DDAH1: variants seen among roughly 807,000 people sequenced by gnomAD.
DDAH1 encodes the protein dimethylarginine dimethylaminohydrolase 1, also known as N(G),N(G)-dimethylarginine dimethylaminohydrolase 1.
Under a neutral mutation model 28.8 loss-of-function variants are expected in DDAH1, and 19 were observed. The ratio of observed to expected loss-of-function variants is 0.66; its 90% CI spans 0.46 to 0.97. The LOEUF (loss-of-function observed/expected upper bound fraction) is 0.97, where lower values mean the gene tolerates loss of function less well. Ranked by LOEUF, DDAH1 falls within the 50% of genes least tolerant of loss-of-function variation. The pLI, the probability that DDAH1 is intolerant of heterozygous loss-of-function variation, is 0.00. For missense variants in DDAH1, 326 were observed against 375.9 expected (o/e 0.87, Z 1.10); for synonymous variants, 153 against 154.4 (o/e 0.99, Z 0.07).
chr1:85,540,696 G>T (rs370158161), intron 1 of DDAH1, among the ~76,000 whole-genome samples: 1 of 152,048 alleles, frequency 6.6e-6, no homozygotes, highest in Non-Finnish European at 1.5e-5. Flanking sequence ...AGTGACTCAC[G>T]CCTGTAATCC....
chr1:85,386,905 CAAGGCTTATT>C (rs1651294746), intron 1 of DDAH1, among the ~76,000 whole-genome samples: 1 of 152,168 alleles, frequency 6.6e-6, no homozygotes, highest in Non-Finnish European at 1.5e-5. Context: ...TGGAAATTAC[CAAGGCTTATT>C]AAGGCTTATA....
At chr1:85,352,017 A>T (rs1451724785) in intron 2 of DDAH1, among the ~76,000 whole-genome samples, 1 of 152,228 alleles carries the variant, frequency 6.6e-6, no homozygotes, top group Non-Finnish European at 1.5e-5. Context: ...AGGCAATAAT[A>T]AACACATTGA....
intron 4 of DDAH1, among the ~76,000 whole-genome samples, chr1:85,343,500 T>C (rs3768223): frequency 0.15 from 23,103 of 152,216 alleles, 2,146 homozygotes; most frequent in Middle Eastern, 0.21. Context: ...AAAAAAATCA[T>C]TGTTTTGTGG....
At chr1:85,359,869 T>C (rs1271687142) in intron 1 of DDAH1, among the ~76,000 whole-genome samples, 2 of 152,346 alleles carry the variant, frequency 1.3e-5, no homozygotes, top group Non-Finnish European at 2.9e-5. Context: ...CTTACTTTAA[T>C]ATAAGAAATG....
chr1:85,322,643 C>T (rs1002755609), intron 5 of DDAH1, among the ~76,000 whole-genome samples: 7 of 152,154 alleles, frequency 4.6e-5, no homozygotes, highest in South Asian at 2.1e-4. Context: ...CTCTGAGCCT[C>T]GGTTTACTTC....
Position 85,379,687 on chromosome 1 carries a change from A to G in DDAH1, c.304-20840T>C, listed in dbSNP as rs895767994. 6.1e-6 allele frequency: 6 copies of G among 985,214 alleles called. No homozygotes were observed. The African/African-American group carries it at 1.0e-4, about 17-fold the overall frequency. 61.0% of individuals were successfully genotyped at this position (985,214 alleles called of 1,614,324 possible). ...TTTCCAAGGCATTTGTTGACCTTAT[A>G]TTCACTGTACTCTGAACTGAACTTA... On this transcript the variant is annotated intron_variant, in intron 1 of 5. Coordinates refer to ENST00000284031, the MANE Select transcript of DDAH1 (RefSeq NM_012137.4).
chr1:85,410,076 T>C (rs1570502937), intron 1 of DDAH1, among the ~76,000 whole-genome samples: 1 of 147,918 alleles, frequency 6.8e-6, no homozygotes, highest in South Asian at 2.2e-4. Flanking sequence ...AGCCCAGGAG[T>C]TCAAGACCAG....
intron 1 of DDAH1, among the ~76,000 whole-genome samples, chr1:85,438,110 T>C (rs186706948): frequency 1.6e-3 from 238 of 152,302 alleles, no homozygotes; most frequent in African/African-American, 5.4e-3. Flanking sequence ...TTCTCACTTA[T>C]ATGTGGGAGC....
chr1:85,420,790 G>A (rs1440599349), intron 1 of DDAH1, among the ~76,000 whole-genome samples: 1 of 152,110 alleles, frequency 6.6e-6, no homozygotes, highest in Non-Finnish European at 1.5e-5. Flanking sequence ...ACATTTTCAA[G>A]TGTCTTTATA....
chr1:85,560,184 G>A (rs1362560082), intron 1 of DDAH1, among the ~76,000 whole-genome samples: 1 of 152,116 alleles, frequency 6.6e-6, no homozygotes, highest in Non-Finnish European at 1.5e-5. Context: ...AGAGGCAGGG[G>A]AAGGGAAAGC....
chr1:85,328,184 A>G (rs984723775), intron 4 of DDAH1, among the ~76,000 whole-genome samples: 1 of 152,238 alleles, frequency 6.6e-6, no homozygotes, highest in African/African-American at 2.4e-5. Context: ...TCCTAACTCA[A>G]ATGACTCTGG....
chr1:85,477,613 T>A (rs1193548840), intron 2 of DDAH1, among the ~76,000 whole-genome samples: 1 of 152,084 alleles, frequency 6.6e-6, no homozygotes, highest in Admixed American at 6.5e-5. Context: ...CACTACTGTC[T>A]CTGCTATACT....
intron 1 of DDAH1, among the ~76,000 whole-genome samples, chr1:85,417,914 T>C (rs1433803166): frequency 6.6e-6 from 1 of 152,236 alleles, no homozygotes; most frequent in Admixed American, 6.5e-5. Flanking sequence ...GTTTTAGAAA[T>C]ATAATTATTA....
intron 1 of DDAH1, among the ~76,000 whole-genome samples, chr1:85,396,727 A>G (rs1000244470): frequency 6.6e-6 from 1 of 152,202 alleles, no homozygotes; most frequent in Non-Finnish European, 1.5e-5. Context: ...ACATTTGTAT[A>G]GATACGATAT....
chr1:85,390,011 C>G (rs1000561003), intron 1 of DDAH1, among the ~76,000 whole-genome samples: 1 of 152,160 alleles, frequency 6.6e-6, no homozygotes, highest in African/African-American at 2.4e-5. Flanking sequence ...TACTACTTAT[C>G]ATAGGAAAAT....
intron 4 of DDAH1, among the ~76,000 whole-genome samples, chr1:85,332,634 A>T (rs986398888): frequency 1.3e-5 from 2 of 152,108 alleles, no homozygotes; most frequent in African/African-American, 4.8e-5. Flanking sequence ...GCCCAAGCAC[A>T]TTGCCTGGGG....
At chr1:85,381,670 A>G (rs760376227) in intron 1 of DDAH1, among the ~76,000 whole-genome samples, 5 of 151,740 alleles carry the variant, frequency 3.3e-5, no homozygotes, top group Non-Finnish European at 7.4e-5. Flanking sequence ...TTCAGTTACA[A>G]GCATACCTTG....
At chr1:85,508,337 G>T (rs1407239821) in intron 1 of DDAH1, among the ~76,000 whole-genome samples, 1 of 152,168 alleles carries the variant, frequency 6.6e-6, no homozygotes, top group Non-Finnish European at 1.5e-5. Context: ...TTTTAAAAAG[G>T]CAAGGTAAGA....
At chr1:85,433,921 ATCT>A (rs1653816522) in intron 1 of DDAH1, among the ~76,000 whole-genome samples, 1 of 152,218 alleles carries the variant, frequency 6.6e-6, no homozygotes, top group Admixed American at 6.5e-5. Context: ...ACACATTTAA[ATCT>A]TCAGGTAATT....
Sources: gnomAD v4.1 joint callset for allele counts (sites outside exome capture counted in the v4.1 genomes callset) on GRCh38, gnomAD v4.1.1 for gene constraint, MANE v1.5 for transcripts, NCBI Gene and HGNC (gene_info 2026-07-23, HGNC 2026-07-21) for gene names.